The following SPECC1 variants were observed in gnomAD, a reference collection of about 807,000 sequenced individuals.
The protein encoded by SPECC1 is cytospin-B.
SPECC1 carries 62 observed loss-of-function variants against 104.1 expected under a neutral mutation model. The observed-to-expected ratio is 0.60, with a 90% confidence interval of 0.49 to 0.74. The LOEUF (loss-of-function observed/expected upper bound fraction) is 0.74. SPECC1 is among the 30% of genes least tolerant of loss of function. The pLI is 0.00. For synonymous variants in SPECC1, 513 were observed against 501.6 expected, an observed-to-expected ratio of 1.02 and a Z score of -0.30; for missense variants, 1,306 against 1,310.5, an observed-to-expected ratio of 1.00 and a Z score of 0.05.
At chr17:20,032,932 G>A (rs12452775) in intron 1 of SPECC1, among the ~76,000 whole-genome samples, 64 of 146,464 alleles carry the variant, frequency 4.4e-4, no homozygotes, top group Admixed American at 1.5e-3. Context: ...ATACACACAC[G>A]CGCGCACACA....
intron 1 of SPECC1, among the ~76,000 whole-genome samples, chr17:20,058,628 C>T (rs1215017884): frequency 2.0e-5 from 3 of 152,102 alleles, no homozygotes; most frequent in Non-Finnish European, 4.4e-5. Context: ...CACCGTACTC[C>T]AGCCTGGGCA....
intron 9 of SPECC1, among the ~76,000 whole-genome samples, chr17:20,251,935 CACTT>C (rs1450863179): frequency 6.6e-6 from 1 of 152,162 alleles, no homozygotes; most frequent in African/African-American, 2.4e-5. Flanking sequence ...TCCCCAGAGC[CACTT>C]ACTTGGCCTC....
intron 3 of SPECC1, among the ~76,000 whole-genome samples, chr17:20,148,105 ACCTTTGCTT>A (rs1381504385): frequency 6.6e-6 from 1 of 152,192 alleles, no homozygotes. Context: ...TTCTGGTCCT[ACCTTTGCTT>A]AAGTTTAGTT....
In SPECC1 at chr17:20,316,557, G is replaced by C. The variant is rs146482025; in HGVS notation, c.*2492G>C. The C allele has an allele frequency of 0.033, 6,088 of 184,858 alleles. 381 individuals are homozygous for C. Among genetic ancestry groups the C allele is most frequent in the African/African-American group, 0.13 (5,621 of 42,630 alleles). 11.5% of individuals were successfully genotyped at this position (184,858 alleles called of 1,614,324 possible). A position where few individuals can be genotyped will look rare whatever the true frequency, so the allele number is the denominator to read the frequency against. Reference sequence around the variant, plus strand: ...AATGTTTTTGTATTTTTAGTAAAGAGGGGGTTTCACCATGTTGGCCCGGCT... The same window carrying C: ...AATGTTTTTGTATTTTTAGTAAAGACGGGGTTTCACCATGTTGGCCCGGCT... On this transcript the variant is annotated 3_prime_UTR_variant, in exon 15 of 15. Coordinates refer to ENST00000395527, the MANE Select transcript of SPECC1 (RefSeq NM_001243439.2).
In SPECC1 at chr17:20,317,551, G is replaced by A. The variant is rs182066236; in HGVS notation, c.*3486G>A. ...TGGGACTACAGGGGTAAGCCACCGC[G>A]CCTGGCCCAAAATTTTGTTTTTTAA... On this transcript the variant is annotated 3_prime_UTR_variant, in exon 15 of 15. Transcript: ENST00000395527. The A allele has an allele frequency of 1.1e-4, 20 of 188,308 alleles. No homozygotes were observed. The highest frequency in any genetic ancestry group is 7.7e-4 in the East Asian group (9 of 11,756). The allele number at this position is 188,308 out of a possible 1,614,324, so 11.7% of individuals were successfully genotyped here.
chr17:20,168,211 C>T (rs2033816735), intron 3 of SPECC1, among the ~76,000 whole-genome samples: 1 of 152,126 alleles, frequency 6.6e-6, no homozygotes, highest in African/African-American at 2.4e-5. Context: ...TGTAGATGCT[C>T]TCCTTAACTG....
At chr17:20,088,657 A>C (rs1425457281) in intron 1 of SPECC1, among the ~76,000 whole-genome samples, 1 of 152,232 alleles carries the variant, frequency 6.6e-6, no homozygotes, top group African/African-American at 2.4e-5. Context: ...TTGGAAGTGC[A>C]GAGAAGAGTC....
Position 20,235,745 on chromosome 17 carries a change from C to T in SPECC1, c.2351+3340C>T, listed in dbSNP as rs117447630. The stretch of plus-strand genomic sequence containing the variant: ...AACACCAATAAACATCCATGGAAAA[C>T]GTCTTTAAAAGAGATAATTAAACAC... On this transcript the variant is annotated intron_variant, in intron 7 of 14. Coordinates refer to ENST00000395527, the MANE Select transcript of SPECC1 (RefSeq NM_001243439.2). Among the ~76,000 whole-genome samples the T allele has an allele frequency of 4.9e-3, 746 of 152,342 alleles. 6 individuals carry two copies. Among genetic ancestry groups the T allele is most frequent in the Middle Eastern group, 0.01 (3 of 294 alleles).
At chr17:20,287,725 G>A (rs1316462132) in intron 12 of SPECC1, among the ~76,000 whole-genome samples, 1 of 151,672 alleles carries the variant, frequency 6.6e-6, no homozygotes, top group Non-Finnish European at 1.5e-5. Flanking sequence ...CCTTATGTCT[G>A]AGTAAGGCCT....
rs116842670 is a variant in SPECC1, at chr17:20,115,016, G to A, written c.283+4454G>A. Among the ~76,000 whole-genome samples, 1,299 of 152,184 alleles carry A rather than the reference G, an allele frequency of 8.5e-3. 7 individuals carry two copies. Among genetic ancestry groups the A allele is most frequent in the Middle Eastern group, 0.041 (12 of 294 alleles). ...GAATGTGTTATTCACTCACTTAAAG[G>A]TACCTCTGTAGAAATAACCTAAAAC... On this transcript the variant is annotated intron_variant, in intron 3 of 14. Coordinates refer to ENST00000395527, the MANE Select transcript of SPECC1 (RefSeq NM_001243439.2).
At chr17:20,054,872 C>T (rs1029986932) in intron 1 of SPECC1, among the ~76,000 whole-genome samples, 7 of 152,082 alleles carry the variant, frequency 4.6e-5, no homozygotes, top group Non-Finnish European at 8.8e-5. Flanking sequence ...AGGCTAGTCT[C>T]GAACTCCTGG....
chr17:20,230,281 A>G (rs1598039691), intron 5 of SPECC1, among the ~76,000 whole-genome samples: 1 of 152,196 alleles, frequency 6.6e-6, no homozygotes. Flanking sequence ...GATTATTAGA[A>G]TTGACTATGT....
chr17:20,266,607 G>C (rs767216310), intron 12 of SPECC1, among the ~76,000 whole-genome samples: 8 of 152,122 alleles, frequency 5.3e-5, no homozygotes, highest in Non-Finnish European at 1.2e-4. Context: ...ATATATTGTA[G>C]GTCCTGGGGA....
Position 20,314,066 on chromosome 17 carries a change from C to A in SPECC1, c.*1C>A. ...AATCTACAAGTACTTTGAGACGTAA[C>A]CCTGGAGGGCCTGGGGCAGCCACCA... is the stretch of plus-strand genomic sequence containing the variant. On this transcript the variant is annotated 3_prime_UTR_variant, in exon 15 of 15. Coordinates refer to ENST00000395527, the MANE Select transcript of SPECC1 (RefSeq NM_001243439.2). 4 of 1,613,636 alleles carry A rather than the reference C, an allele frequency of 2.5e-6. No homozygotes were observed. The highest frequency in any genetic ancestry group is 3.4e-6 in the Non-Finnish European group (4 of 1,179,800).
chr17:20,132,526 T>C (rs2049698993), intron 3 of SPECC1, among the ~76,000 whole-genome samples: 1 of 151,526 alleles, frequency 6.6e-6, no homozygotes. Flanking sequence ...AGTTTGTTTG[T>C]TTGTTTGTTT....
chr17:20,244,967 T>C (rs994857425), intron 7 of SPECC1, among the ~76,000 whole-genome samples: 4 of 152,202 alleles, frequency 2.6e-5, no homozygotes, highest in African/African-American at 9.6e-5. Flanking sequence ...TGATCTATCA[T>C]AGAATGCTTT....
At chr17:20,215,333 C>A (rs184642205) in intron 4 of SPECC1, among the ~76,000 whole-genome samples, 3 of 152,176 alleles carry the variant, frequency 2.0e-5, no homozygotes, top group African/African-American at 7.2e-5. Flanking sequence ...TAGATGATCT[C>A]TTTTTAAGCA....
In SPECC1 at chr17:20,033,823, C is replaced by T. The variant is rs528943980; in HGVS notation, c.-22+24399C>T. Reference sequence around the variant, plus strand: ...CTCGGTGGGGCCAAACAAACCATATCCAAACCATTAACACCCTAACAGGGT... The same window carrying T: ...CTCGGTGGGGCCAAACAAACCATATTCAAACCATTAACACCCTAACAGGGT... On this transcript the variant is annotated intron_variant, in intron 1 of 14. Transcript: ENST00000395527. 3.9e-4 allele frequency among the ~76,000 whole-genome samples: 59 copies of T among 152,240 alleles called. 2 individuals carry two copies. In the South Asian group the frequency reaches 0.012, roughly 32 times the overall value.
intron 3 of SPECC1, among the ~76,000 whole-genome samples, chr17:20,196,307 T>C (rs2036030940): frequency 6.6e-6 from 1 of 152,236 alleles, no homozygotes; most frequent in Non-Finnish European, 1.5e-5. Flanking sequence ...CCCTGGTTAG[T>C]AAGCAATTTT....
Sources: allele counts gnomAD v4.1 joint callset (sites outside exome capture counted in the v4.1 genomes callset), GRCh38; gene constraint gnomAD v4.1.1; transcripts MANE v1.5; gene names NCBI Gene and HGNC (gene_info 2026-07-23, HGNC 2026-07-21).